POLR2M: variants seen among roughly 807,000 people sequenced by gnomAD.
POLR2M encodes the protein protein GRINL1A.
A neutral mutation model predicts 34.6 loss-of-function variants in POLR2M; 30 were observed. That is an observed-to-expected ratio of 0.87 (90% CI 0.65 to 1.18). The LOEUF (loss-of-function observed/expected upper bound fraction) is 1.18, where lower values mean the gene tolerates loss of function less well. Among genes scored for constraint, POLR2M ranks in the 50% most tolerant of loss-of-function variants. POLR2M has a pLI of 0.00. For missense variants in POLR2M, 432 were observed against 448.7 expected, an observed-to-expected ratio of 0.96 and a Z score of 0.34; for synonymous variants, 150 against 166.7, an observed-to-expected ratio of 0.90 and a Z score of 0.77.
chr15:57,712,481 G>A (rs1228095905), intron 3 of POLR2M, among the ~76,000 whole-genome samples: 2 of 152,178 alleles, frequency 1.3e-5, no homozygotes, highest in African/African-American at 2.4e-5. Flanking sequence ...TGTTAGGATA[G>A]TAGTAGCATC....
intron 1 of POLR2M, chr15:57,707,714 T>C: frequency 2.8e-6 from 1 of 360,144 alleles, no homozygotes; most frequent in South Asian, 2.1e-5. Flanking sequence ...AGATCCAAGG[T>C]TGATTTTACT....
rs546390672 is a variant in POLR2M at position 57,708,584 on chromosome 15, A to G, written c.114-130A>G. The G allele has an allele frequency of 2.0e-5, 16 of 813,106 alleles. No homozygotes were observed. In the South Asian group the frequency reaches 3.6e-4, roughly 19 times the overall value. The allele number at this position is 813,106 out of a possible 1,614,324, so 50.4% of individuals were successfully genotyped here. ...AATTGTTTTATTCTTGTTTTGGGGCAGTTAGAAATCAGATATTTGACTTAA... is the reference window on the plus strand; with the variant it reads ...AATTGTTTTATTCTTGTTTTGGGGCGGTTAGAAATCAGATATTTGACTTAA... On this transcript the variant is annotated intron_variant, in intron 1 of 3. Transcript: ENST00000299638.
chr15:57,707,205 C>T lies in POLR2M; in HGVS notation c.113+250C>T, dbSNP rs532691401. ...ACCTGGCGTTGCAGGGAGTTAGTAGCCCCTGGTCGGTTTTATTTACCCGGG... is the reference window on the plus strand; with the variant it reads ...ACCTGGCGTTGCAGGGAGTTAGTAGTCCCTGGTCGGTTTTATTTACCCGGG... On this transcript the variant is annotated intron_variant, in intron 1 of 3. Transcript: ENST00000299638. The T allele has an allele frequency of 1.0e-5, 15 of 1,446,110 alleles. No individual in the cohort carries two copies. In the African/African-American group the frequency reaches 2.0e-4, roughly 19 times the overall value. The allele number at this position is 1,446,110 out of a possible 1,614,324, so 89.6% of individuals were successfully genotyped here.
At chr15:57,707,503 T>G in intron 1 of POLR2M, 2 of 496,918 alleles carry the variant, frequency 4.0e-6, no homozygotes, top group Non-Finnish European at 7.9e-6. Flanking sequence ...AAAGATGGTT[T>G]GAAGGAATAA....
At position 57,709,948 on chromosome 15, in the gene POLR2M, A is replaced by G. The variant is rs116111763; in HGVS notation, c.758+590A>G. Among the ~76,000 whole-genome samples the G allele has an allele frequency of 1.4e-3, 214 of 152,336 alleles. 1 individual carries two copies. Among genetic ancestry groups the G allele is most frequent in the African/African-American group, 4.9e-3 (202 of 41,574 alleles). Reference sequence around the variant, plus strand: ...ATTTGCATGCTCACTGTATGTAAGCAAGCAGCAGGTGTTGTGGGGACACAA... The same window carrying G: ...ATTTGCATGCTCACTGTATGTAAGCGAGCAGCAGGTGTTGTGGGGACACAA... On this transcript the variant is annotated intron_variant, in intron 2 of 3. Transcript: ENST00000299638.
intron 3 of POLR2M, 134 bp downstream of exon 3, chr15:57,712,322 A>G (rs139570775): frequency 1.1e-4 from 119 of 1,044,416 alleles, no homozygotes; most frequent in Non-Finnish European, 8.2e-6. Context: ...CTATGCCACT[A>G]GTTTTCAGAG....
intron 2 of POLR2M, among the ~76,000 whole-genome samples, chr15:57,710,083 A>C (rs565151231): frequency 6.6e-6 from 1 of 152,206 alleles, no homozygotes; most frequent in Non-Finnish European, 1.5e-5. Context: ...CATGTTCTTC[A>C]AGGAGTTTAA....
At position 57,712,169 on chromosome 15, in the gene POLR2M, A is replaced by G. The variant is rs1411690147; in HGVS notation, c.944A>G (p.Gln315Arg). ...GAAGAATCCTTGGCACTTCAGAAAC[A>G]GCAGAAACAGAATTATGAGGTATTT... Reference protein sequence around the residue: ...SIEESLALQKQQKQNYEEMQA... With the variant: ...SIEESLALQKRQKQNYEEMQA... The change falls in exon 3 of 4, where the codon CAG becomes CGG. Residue 315 changes from glutamine (Q) to arginine (R), a missense_variant. Coordinates refer to ENST00000299638, the MANE Select transcript of POLR2M (RefSeq NM_015532.5). The G allele has an allele frequency of 1.2e-6, 2 of 1,614,210 alleles. No homozygotes were observed. Among genetic ancestry groups the G allele is most frequent in the East Asian group, 4.5e-5 (2 of 44,886 alleles).
At position 57,717,386 on chromosome 15, in the gene POLR2M, A is replaced by G. The variant is rs534786206; in HGVS notation, c.*2707A>G. On this transcript the variant is annotated 3_prime_UTR_variant, in exon 4 of 4. Transcript: ENST00000299638. ...CAGAGGAGGTCTTGCCAGCACTCCA[A>G]AATCTCTGTGTGTCCCCTCTTGACA... is the stretch of plus-strand genomic sequence containing the variant. 6.6e-6 allele frequency: 1 copy of G among 152,322 alleles called. No homozygotes were observed. Among genetic ancestry groups the G allele is most frequent in the East Asian group, 1.9e-4 (1 of 5,188 alleles). The allele number at this position is 152,322 out of a possible 1,614,324, so 9.4% of individuals were successfully genotyped here.
At chr15:57,709,449 T>A in intron 2 of POLR2M, 91 bp downstream of exon 2, 3 of 1,454,464 alleles carry the variant, frequency 2.1e-6, no homozygotes, top group Non-Finnish European at 2.8e-6. Context: ...GGTGCTTGCC[T>A]GTAGTCCCAG....
At chr15:57,713,827 T>C (rs1199718651) in intron 3 of POLR2M, among the ~76,000 whole-genome samples, 12 of 9,120 alleles carry the variant, frequency 1.3e-3, no homozygotes, top group African/African-American at 2.2e-3. Context: ...CTTCTTTTTT[T>C]TTTTTTTTTT....
At chr15:57,711,368 G>C (rs1008170843) in intron 2 of POLR2M, among the ~76,000 whole-genome samples, 1 of 152,140 alleles carries the variant, frequency 6.6e-6, no homozygotes, top group African/African-American at 2.4e-5. Context: ...ATGGAAATCC[G>C]AACTTGTTAC....
Position 57,717,392 on chromosome 15 carries a change from C to CT in POLR2M, c.*2714dup, listed in dbSNP as rs1395410809. 6.6e-6 allele frequency: 1 copy of CT among 152,206 alleles called. No individual in the cohort carries two copies. The highest frequency in any genetic ancestry group is 1.5e-5 in the Non-Finnish European group (1 of 68,048). The allele number at this position is 152,206 out of a possible 1,614,324, so 9.4% of individuals were successfully genotyped here. On this transcript the variant is annotated 3_prime_UTR_variant, in exon 4 of 4. Coordinates refer to ENST00000299638, the MANE Select transcript of POLR2M (RefSeq NM_015532.5). ...AGGTCTTGCCAGCACTCCAAAATCTCTGTGTGTCCCCTCTTGACACTCACT... is the reference window on the plus strand; with the variant it reads ...AGGTCTTGCCAGCACTCCAAAATCTCTTGTGTGTCCCCTCTTGACACTCACT...
At chr15:57,713,861 A>T (rs540008017) in intron 3 of POLR2M, among the ~76,000 whole-genome samples, 7 of 47,048 alleles carry the variant, frequency 1.5e-4, no homozygotes, top group East Asian at 1.3e-3. Context: ...TTTTTTTTTG[A>T]GACGGAGTCT....
intron 2 of POLR2M, among the ~76,000 whole-genome samples, chr15:57,709,912 C>T (rs1345196686): frequency 6.6e-6 from 1 of 152,118 alleles, no homozygotes; most frequent in Non-Finnish European, 1.5e-5. Context: ...ATGGGCTTTC[C>T]AGCAGAAATT....
rs2040971507 is a variant in POLR2M, at chr15:57,716,948, A to G, written c.*2269A>G. 3.9e-5 allele frequency: 6 copies of G among 151,998 alleles called. No homozygotes were observed. Among genetic ancestry groups the G allele is most frequent in the Admixed American group, 3.9e-4 (6 of 15,274 alleles). The allele number at this position is 151,998 out of a possible 1,614,324, so 9.4% of individuals were successfully genotyped here. Reference sequence around the variant, plus strand: ...CACTTTTACACCTATCTTTAAAAGGAATTTAAATTTTGTTTATATACATTA... The same window carrying G: ...CACTTTTACACCTATCTTTAAAAGGGATTTAAATTTTGTTTATATACATTA... On this transcript the variant is annotated 3_prime_UTR_variant, in exon 4 of 4. Transcript: ENST00000299638.
chr15:57,706,991 C>T (rs1237560090), intron 1 of POLR2M, 36 bp downstream of exon 1: 2 of 1,556,940 alleles, frequency 1.3e-6, no homozygotes, highest in Non-Finnish European at 1.7e-6. Flanking sequence ...CGCCAGGCTC[C>T]TTCAGCTCGA....
chr15:57,710,680 G>A (rs1432661339), intron 2 of POLR2M, among the ~76,000 whole-genome samples: 4 of 152,088 alleles, frequency 2.6e-5, no homozygotes, highest in African/African-American at 9.7e-5. Flanking sequence ...TCTGTATTAT[G>A]GTCATTTAGC....
chr15:57,707,266 C>T (rs2040530113), intron 1 of POLR2M: 2 of 981,138 alleles, frequency 2.0e-6, no homozygotes. Context: ...TTTCTAAACC[C>T]TTTTGTCGCC....
Sources: gnomAD v4.1 joint callset for allele counts (sites outside exome capture counted in the v4.1 genomes callset) on GRCh38, gnomAD v4.1.1 for gene constraint, MANE v1.5 for transcripts, NCBI Gene and HGNC (gene_info 2026-07-23, HGNC 2026-07-21) for gene names.